Variants in PKHD1 observed in about 807,000 individuals in gnomAD.
PKHD1 encodes the protein PKHD1 ciliary IPT domain containing fibrocystin/polyductin, also known as fibrocystin.
PKHD1 carries 291 observed loss-of-function variants against 412.0 expected under a neutral mutation model. The observed-to-expected ratio is 0.71, with a 90% CI of 0.64 to 0.78. The LOEUF (loss-of-function observed/expected upper bound fraction) is 0.78. Among genes scored for constraint, PKHD1 ranks in the 30% least tolerant of loss-of-function variants. PKHD1 has a pLI of 0.00. For missense variants in PKHD1, 4,825 were observed against 4,950.7 expected (o/e 0.97, Z 0.76); for synonymous variants, 1,777 against 1,821.5 (o/e 0.98, Z 0.62).
chr6:52,029,976 G>A (rs1802792327), intron 29 of PKHD1, among the ~76,000 whole-genome samples: 1 of 152,212 alleles, frequency 6.6e-6, no homozygotes, highest in East Asian at 1.9e-4. Flanking sequence ...TAATCAAGTA[G>A]ACCAAATCAA....
At position 52,014,415 on chromosome 6, in the gene PKHD1, T is replaced by A. The variant is rs1800195740; in HGVS notation, c.5600+2995A>T. Among the ~76,000 whole-genome samples, 3 of 152,224 alleles carry A rather than the reference T, an allele frequency of 2.0e-5. No homozygotes were observed. In the South Asian group the frequency reaches 6.2e-4, roughly 31 times the overall value. ...TACCCTTAAGGGGCAGGGACTTTCA[T>A]GACATCCACGAATGAGCCACCAGTA... On this transcript the variant is annotated intron_variant, in intron 34 of 66. Transcript: ENST00000371117.
At chr6:51,662,432 A>G (rs1773008701) in intron 60 of PKHD1, among the ~76,000 whole-genome samples, 1 of 151,916 alleles carries the variant, frequency 6.6e-6, no homozygotes, top group South Asian at 2.1e-4. Context: ...AAAACATCAC[A>G]TTATATAGTA....
chr6:51,886,001 C>T (rs777305324), intron 44 of PKHD1, 29 bp from the exon 45 acceptor site: 1 of 1,282,340 alleles, frequency 7.8e-7, no homozygotes, highest in Non-Finnish European at 1.1e-6. Context: ...TGAAATTAAG[C>T]CAATTTTTAT....
At chr6:51,745,449 C>T (rs1261270088) in intron 59 of PKHD1, among the ~76,000 whole-genome samples, 2 of 152,116 alleles carry the variant, frequency 1.3e-5, no homozygotes, top group African/African-American at 2.4e-5. Context: ...GGAAGATGCA[C>T]GAACAAGGCA....
At chr6:52,034,456 G>T (rs1044048764) in intron 28 of PKHD1, among the ~76,000 whole-genome samples, 1 of 151,738 alleles carries the variant, frequency 6.6e-6, no homozygotes, top group Non-Finnish European at 1.5e-5. Flanking sequence ...TATGTTCTCT[G>T]GTAAAAGAAA....
chr6:51,841,143 AAAG>A (rs1208665305), intron 50 of PKHD1, among the ~76,000 whole-genome samples: 4 of 152,198 alleles, frequency 2.6e-5, no homozygotes, highest in Non-Finnish European at 4.4e-5. Flanking sequence ...TTATAAATTG[AAAG>A]AAGAAGAGTT....
At chr6:52,018,535 T>A (rs537552628) in intron 33 of PKHD1, among the ~76,000 whole-genome samples, 11 of 152,112 alleles carry the variant, frequency 7.2e-5, no homozygotes, top group East Asian at 1.9e-4. Flanking sequence ...TATTATTATT[T>A]TTTGAGACAG....
At chr6:51,855,726 T>C (rs1322082885) in intron 49 of PKHD1, among the ~76,000 whole-genome samples, 167 bp downstream of exon 49, 1 of 152,240 alleles carries the variant, frequency 6.6e-6, no homozygotes, top group Non-Finnish European at 1.5e-5. Context: ...ATTTAGCTTA[T>C]ATTCATCTGG....
chr6:51,972,726 T>C (rs971139905), intron 35 of PKHD1, among the ~76,000 whole-genome samples: 1 of 152,238 alleles, frequency 6.6e-6, no homozygotes, highest in East Asian at 1.9e-4. Flanking sequence ...TTGTTCCCTT[T>C]AGCCCAAACA....
chr6:51,816,858 G>A (rs1260345153), intron 52 of PKHD1, among the ~76,000 whole-genome samples: 1 of 152,156 alleles, frequency 6.6e-6, no homozygotes, highest in Non-Finnish European at 1.5e-5. Flanking sequence ...ACGGTTCTTT[G>A]CTCAATTAAA....
intron 35 of PKHD1, among the ~76,000 whole-genome samples, chr6:52,002,045 C>T (rs1334082589): frequency 6.6e-6 from 1 of 152,134 alleles, no homozygotes; most frequent in Non-Finnish European, 1.5e-5. Context: ...TTCTTACAAC[C>T]CTACAAGGTA....
At chr6:51,852,248 G>A (rs1772407188) in intron 49 of PKHD1, among the ~76,000 whole-genome samples, 1 of 152,136 alleles carries the variant, frequency 6.6e-6, no homozygotes, top group Admixed American at 6.5e-5. Flanking sequence ...TAATTTGATT[G>A]TACTGTGGTC....
Position 51,627,126 on chromosome 6 carries a change from T to A in PKHD1, c.11666-10A>T. On this transcript the variant is annotated splice_polypyrimidine_tract_variant and intron_variant, in intron 65 of 66. Transcript: ENST00000371117. Reference sequence around the variant, plus strand: ...TCTTCAGGTTTTGTTTCTGTATTAATGGAGAAGAAAAAGGATTTTTTTGTT... The same window carrying A: ...TCTTCAGGTTTTGTTTCTGTATTAAAGGAGAAGAAAAAGGATTTTTTTGTT... 1.2e-6 allele frequency: 2 copies of A among 1,611,450 alleles called. No homozygotes were observed. Among genetic ancestry groups the A allele is most frequent in the South Asian group, 2.2e-5 (2 of 91,038 alleles).
At chr6:51,883,735 G>T (rs895262736) in intron 45 of PKHD1, among the ~76,000 whole-genome samples, 3 of 152,186 alleles carry the variant, frequency 2.0e-5, no homozygotes, top group African/African-American at 7.2e-5. Context: ...AACAAAATTA[G>T]CTTGGTAGAG....
intron 64 of PKHD1, among the ~76,000 whole-genome samples, chr6:51,637,491 A>G (rs2150322262): frequency 6.6e-6 from 1 of 152,314 alleles, no homozygotes; most frequent in South Asian, 2.1e-4. Flanking sequence ...TATTTATCTC[A>G]TTAATGAAGA....
intron 28 of PKHD1, among the ~76,000 whole-genome samples, chr6:52,033,409 A>G (rs756869580): frequency 2.0e-5 from 3 of 152,170 alleles, no homozygotes; most frequent in African/African-American, 4.8e-5. Flanking sequence ...GCAGTGTTAG[A>G]TGCATAATGA....
At chr6:51,837,818 T>C (rs1769504847) in intron 50 of PKHD1, among the ~76,000 whole-genome samples, 2 of 152,154 alleles carry the variant, frequency 1.3e-5, no homozygotes, top group Non-Finnish European at 2.9e-5. Flanking sequence ...TCTAATCTTA[T>C]TTTGGTCATT....
intron 61 of PKHD1, among the ~76,000 whole-genome samples, chr6:51,656,060 C>CTATTCACAA (rs1771790770): frequency 6.6e-6 from 1 of 152,130 alleles, no homozygotes; most frequent in East Asian, 1.9e-4. Context: ...TATTGCAGCA[C>CTATTCACAA]TATTCACAAT....
At chr6:51,714,392 A>T (rs1781014151) in intron 60 of PKHD1, among the ~76,000 whole-genome samples, 1 of 151,920 alleles carries the variant, frequency 6.6e-6, no homozygotes. Context: ...TTGTCTACAG[A>T]TGATTCTCAT....
Sources: allele counts gnomAD v4.1 joint callset (sites outside exome capture counted in the v4.1 genomes callset), GRCh38; gene constraint gnomAD v4.1.1; transcripts MANE v1.5; gene names NCBI Gene and HGNC (gene_info 2026-07-23, HGNC 2026-07-21).